The following AMER1 variants were observed in gnomAD, a reference collection of about 807,000 sequenced individuals.
AMER1 encodes RP11-403E24.2.
A neutral mutation model predicts 53.0 loss-of-function variants in AMER1; 16 were observed. That is an observed-to-expected ratio of 0.30 (90% CI 0.20 to 0.46). AMER1 has a LOEUF of 0.46. Ranked by LOEUF, AMER1 falls within the 20% of genes least tolerant of loss-of-function variation. The pLI, the probability that AMER1 is intolerant of heterozygous loss-of-function variation, is 1.00. For missense variants in AMER1, 947 were observed against 884.9 expected, an observed-to-expected ratio of 1.07 and a Z score of -0.89; for synonymous variants, 354 against 331.9, an observed-to-expected ratio of 1.07 and a Z score of -0.73.
At chrX:64,204,096 C>G (rs1270527416) in intron 1 of AMER1, among the ~76,000 whole-genome samples, 1 of 112,394 alleles carries the variant, frequency 8.9e-6, no homozygotes, top group African/African-American at 3.2e-5. Context: ...TCCTATTCCT[C>G]AAAAAGGCCT....
In AMER1 at chrX:64,190,784, C is replaced by A. The variant is rs200219038; in HGVS notation, c.2503G>T (p.Ala835Ser). 1 of 1,209,112 alleles carries A rather than the reference C, an allele frequency of 8.3e-7. No individual in the cohort carries two copies. Among genetic ancestry groups the A allele is most frequent in the Non-Finnish European group, 1.1e-6 (1 of 894,139 alleles). ...NPEFHNDEDL[A>S]ASLEAFELGY... ...AGCTCAAAGGCTTCCAAGGAGGCTG[C>A]AAGATCTTCATCATTGTGGAACTCA... Residue 835 changes from alanine to serine, a missense_variant, in exon 2 of 2, where the codon GCA (alanine) becomes TCA (serine). Ala to Ser is a moderately conservative substitution (Grantham distance 99, BLOSUM62 1). Coordinates refer to ENST00000374869, the MANE Select transcript of AMER1 (RefSeq NM_152424.4).
chrX:64,200,515 T>C (rs1930466654), intron 1 of AMER1, among the ~76,000 whole-genome samples: 1 of 112,291 alleles, frequency 8.9e-6, no homozygotes. Context: ...CTGAGTTAAC[T>C]TGAGCAAATC....
At chrX:64,193,551 G>A (rs1441785613) in intron 1 of AMER1, among the ~76,000 whole-genome samples, 167 bp from the exon 2 acceptor site, 1 of 112,038 alleles carries the variant, frequency 8.9e-6, no homozygotes, top group Non-Finnish European at 1.9e-5. Flanking sequence ...TGCTGGGCCA[G>A]CTCTCTCTGG....
intron 1 of AMER1, among the ~76,000 whole-genome samples, chrX:64,194,941 T>A (rs1420529027): frequency 9.0e-6 from 1 of 111,665 alleles, no homozygotes; most frequent in African/African-American, 3.3e-5. Flanking sequence ...AAGAACACTC[T>A]GCATAACTGA....
rs769547736 is a variant in AMER1 at position 64,193,033 on chromosome X, C to T, written c.254G>A (p.Ser85Asn). 20 of 1,210,027 alleles carry T rather than the reference C, an allele frequency of 1.7e-5. No homozygotes were observed. The East Asian group carries it at 5.9e-4, about 36-fold the overall frequency. Reference protein sequence around the residue: ...GGRSKGSGKGSSKKGLSKSKT... With the variant: ...GGRSKGSGKGNSKKGLSKSKT... ...GCTCTTGCTGAGACCTTTCTTGGAG[C>T]TGCCTTTCCCAGAACCTTTGCTCCG... The change falls in exon 2 of 2, where the codon AGC (serine) becomes AAC (asparagine). Residue 85 changes from serine (S) to asparagine (N), a missense_variant. Coordinates refer to ENST00000374869, the MANE Select transcript of AMER1 (RefSeq NM_152424.4).
chrX:64,193,002 G>A lies in AMER1; in HGVS notation c.285C>T (p.Thr95=), dbSNP rs143210136. The A allele has an allele frequency of 9.9e-6, 12 of 1,209,916 alleles. No individual in the cohort carries two copies. Among genetic ancestry groups the A allele is most frequent in the Middle Eastern group, 4.6e-4 (2 of 4,353 alleles). Residue 95 remains threonine, a synonymous_variant, in exon 2 of 2, where the codon ACC becomes ACT. Coordinates refer to ENST00000374869, the MANE Select transcript of AMER1 (RefSeq NM_152424.4). ...SSKKGLSKSK[T]HDGLSEAAHG... is the part of the protein sequence containing the mutation. ...GGGCTGCTTCACTCAGGCCATCGTG[G>A]GTCTTGCTCTTGCTGAGACCTTTCT...
intron 1 of AMER1, among the ~76,000 whole-genome samples, chrX:64,198,398 G>A (rs1243216600): frequency 9.0e-6 from 1 of 111,524 alleles, no homozygotes; most frequent in Admixed American, 9.5e-5. Context: ...CCTGGTGGGG[G>A]ATGGCAACTC....
chrX:64,190,532 C>A lies in AMER1; in HGVS notation c.2755G>T (p.Asp919Tyr), dbSNP rs1490080845. 1.7e-6 allele frequency: 2 copies of A among 1,211,991 alleles called. No homozygotes were observed. The highest frequency in any genetic ancestry group is 2.2e-5 in the Admixed American group (1 of 46,075). ...SHLVQGYLES[D>Y]ELQAQQEDSD... is the part of the protein sequence containing the mutation. The stretch of plus-strand genomic sequence containing the variant: ...TCTTCCTGCTGGGCCTGCAGCTCAT[C>A]AGACTCGAGGTAGCCCTGGACCAAG... Residue 919 changes from aspartate (D) to tyrosine (Y), a missense_variant, in exon 2 of 2, where the codon GAT (aspartate) becomes TAT (tyrosine). Physicochemically the swap from Asp to Tyr is radical, Grantham distance 160. Transcript: ENST00000374869.
intron 1 of AMER1, among the ~76,000 whole-genome samples, chrX:64,204,739 T>C (rs1488075368): frequency 7.1e-5 from 8 of 111,991 alleles, no homozygotes; most frequent in Non-Finnish European, 1.5e-4. Context: ...GAAAAGGAGG[T>C]GAGGCGAGGC....
At position 64,189,880 on chromosome X, in the gene AMER1, T is replaced by A. The variant is rs767920878; in HGVS notation, c.3407A>T (p.Ter1136LeuextTer7). The change falls in exon 2 of 2, where the codon TAG becomes TTG. Residue 1136 changes from the stop codon to leucine, a stop_lost. Coordinates refer to ENST00000374869, the MANE Select transcript of AMER1 (RefSeq NM_152424.4). Reference sequence around the variant, plus strand: ...TCCCTACTCCAGAATTGATAATAACTACTTGGCTAGGTTTCCATTCATGGC... The same window carrying A: ...TCCCTACTCCAGAATTGATAATAACAACTTGGCTAGGTTTCCATTCATGGC... ...STAMNGNLAK[*>L] 2 of 1,012,518 alleles carry A rather than the reference T, an allele frequency of 2.0e-6. No individual in the cohort carries two copies. Among genetic ancestry groups the A allele is most frequent in the South Asian group, 3.7e-5 (2 of 53,948 alleles). The allele number at this position is 1,012,518 out of a possible 1,213,427, so 83.4% of individuals were successfully genotyped here.
intron 1 of AMER1, among the ~76,000 whole-genome samples, chrX:64,194,647 G>T (rs751443836): frequency 2.7e-5 from 3 of 111,450 alleles, no homozygotes; most frequent in African/African-American, 9.8e-5. Flanking sequence ...GAGGGGAAGG[G>T]GAAGGGGAGG....
chrX:64,198,873 G>A (rs757619389), intron 1 of AMER1, among the ~76,000 whole-genome samples: 1 of 112,284 alleles, frequency 8.9e-6, no homozygotes, highest in Non-Finnish European at 1.9e-5. Flanking sequence ...GCCCAAAAAC[G>A]AGAAACCTGC....
intron 1 of AMER1, 30 bp from the exon 2 acceptor site, chrX:64,193,414 G>C: frequency 9.8e-7 from 1 of 1,025,523 alleles, no homozygotes; most frequent in Non-Finnish European, 1.3e-6. Flanking sequence ...CAAAGACAGA[G>C]AGACAGATAC....
rs2147084470 is a variant in AMER1, at chrX:64,190,154, T to A, written c.3133A>T (p.Arg1045Trp). ...AGCAGCACATCTCGAGGCCTGGCCC[T>A]CATGCTCTGGGAGGCCTGTGGCTGG... Reference protein sequence around the residue: ...NLQPQASQSMRARPRDVLLPV... With the variant: ...NLQPQASQSMWARPRDVLLPV... The change falls in exon 2 of 2, where the codon AGG becomes TGG. Residue 1045 changes from arginine (R) to tryptophan (W), a missense_variant. Coordinates refer to ENST00000374869, the MANE Select transcript of AMER1 (RefSeq NM_152424.4). The A allele has an allele frequency of 8.3e-7, 1 of 1,208,695 alleles. No homozygotes were observed. Among genetic ancestry groups the A allele is most frequent in the Non-Finnish European group, 1.1e-6 (1 of 893,793 alleles).
chrX:64,204,392 G>A (rs1930552256), intron 1 of AMER1, among the ~76,000 whole-genome samples: 1 of 114,050 alleles, frequency 8.8e-6, no homozygotes, highest in South Asian at 3.4e-4. Context: ...CAGTCCAGCT[G>A]CCGCCTAGGC....
rs914141145 is a variant in AMER1 at position 64,188,249 on chromosome X, A to G, written c.*1630T>C. ...ATGTGAGGGCGAGGGTGCAATAATC[A>G]TAATTTGAGTGAACACAGCCAAGCA... On this transcript the variant is annotated 3_prime_UTR_variant, in exon 2 of 2. Coordinates refer to ENST00000374869, the MANE Select transcript of AMER1 (RefSeq NM_152424.4). 1.2e-5 allele frequency: 10 copies of G among 801,626 alleles called. No homozygotes were observed. Among genetic ancestry groups the G allele is most frequent in the Non-Finnish European group, 1.3e-5 (9 of 668,965 alleles). 66.1% of individuals were successfully genotyped at this position (801,626 alleles called of 1,213,427 possible). A position where few individuals can be genotyped will look rare whatever the true frequency, so the allele number is the denominator to read the frequency against.
At chrX:64,201,278 A>G (rs1156629521) in intron 1 of AMER1, among the ~76,000 whole-genome samples, 2 of 111,054 alleles carry the variant, frequency 1.8e-5, no homozygotes, top group Admixed American at 9.6e-5. Flanking sequence ...ACACTTACAC[A>G]CGCACAGGTT....
At chrX:64,201,448 A>AACACACAC (rs532857666) in intron 1 of AMER1, among the ~76,000 whole-genome samples, 2,241 of 83,083 alleles carry the variant, frequency 0.027, 98 homozygotes, top group African/African-American at 0.084. Context: ...TCCTTCCCCC[A>AACACACAC]ACACACACAC....
rs769608759 is a variant in AMER1 at position 64,191,947 on chromosome X, C to A, written c.1340G>T (p.Gly447Val). Residue 447 changes from glycine (G) to valine (V), a missense_variant, in exon 2 of 2, where the codon GGC becomes GTC. By Grantham distance (109) the Gly-to-Val change is moderately radical (BLOSUM62 -3). Transcript: ENST00000374869. Reference protein sequence around the residue: ...MLLDPVRSYPGLAPGELLTPQ... With the variant: ...MLLDPVRSYPVLAPGELLTPQ... ...AGTCAAAAGTTCCCCAGGGGCTAGG[C>A]CAGGATAAGACCTAACTGGGTCAAG... The A allele has an allele frequency of 8.3e-7, 1 of 1,211,582 alleles. No homozygotes were observed. The highest frequency in any genetic ancestry group is 1.1e-6 in the Non-Finnish European group (1 of 895,453).
Sources: gnomAD v4.1 joint callset for allele counts (sites outside exome capture counted in the v4.1 genomes callset) on GRCh38, gnomAD v4.1.1 for gene constraint, MANE v1.5 for transcripts, NCBI Gene and HGNC (gene_info 2026-07-23, HGNC 2026-07-21) for gene names.